RABGAP1L: variants seen among roughly 807,000 people sequenced by gnomAD.
RABGAP1L encodes the protein rab GTPase-activating protein 1-like.
In RABGAP1L, 63 loss-of-function variants were observed where a neutral mutation model predicts 137.7. The ratio of observed to expected loss-of-function variants is 0.46; its 90% CI spans 0.37 to 0.56. RABGAP1L has a LOEUF of 0.56. Among genes scored for constraint, RABGAP1L ranks in the 20% least tolerant of loss-of-function variants. The pLI, the probability that RABGAP1L is intolerant of heterozygous loss-of-function variation, is 0.00. For synonymous variants in RABGAP1L, 431 were observed against 433.7 expected, an observed-to-expected ratio of 0.99 and a Z score of 0.08; for missense variants, 1,095 against 1,244.0, an observed-to-expected ratio of 0.88 and a Z score of 1.80.
intron 1 of RABGAP1L, among the ~76,000 whole-genome samples, chr1:174,162,777 G>GTTTTTTTTTTTTTT (rs67811794): frequency 7.8e-5 from 4 of 51,554 alleles, no homozygotes; most frequent in Admixed American, 2.9e-4. Flanking sequence ...TTCTCTTTCT[G>GTTTTTTTTTTTTTT]TTTTTTTTTT....
At chr1:174,549,321 TTAATG>T (rs1666256321) in intron 13 of RABGAP1L, among the ~76,000 whole-genome samples, 1 of 152,188 alleles carries the variant, frequency 6.6e-6, no homozygotes, top group African/African-American at 2.4e-5. Flanking sequence ...CAATTTTTTC[TTAATG>T]TAAATTATAG....
In RABGAP1L at chr1:174,250,616, G is replaced by A; in HGVS notation, c.859G>A (p.Gly287Arg). ...SVSLEVKEDD[G>R]KGNFSPVPKD... ...CTCCTTGGAGGTAAAAGAAGACGAT[G>A]GAAAAGGAAACTTTAGGTGAGGCAT... Residue 287 changes from glycine (G) to arginine (R), a missense_variant, in exon 6 of 26, where the codon GGA (glycine) becomes AGA (arginine). Gly to Arg is a moderately radical substitution (Grantham distance 125, BLOSUM62 -2). This residue lies in a region of RABGAP1L where 112 missense variants were observed against 157.3 expected (regional missense o/e 0.71). Coordinates refer to ENST00000681986, the MANE Select transcript of RABGAP1L (RefSeq NM_001366446.1). 1.9e-6 allele frequency: 3 copies of A among 1,612,622 alleles called. No homozygotes were observed. In the South Asian group the frequency reaches 3.3e-5, roughly 18 times the overall value.
chr1:174,690,957 G>A (rs986579410), intron 15 of RABGAP1L, among the ~76,000 whole-genome samples: 21 of 151,012 alleles, frequency 1.4e-4, no homozygotes, highest in African/African-American at 5.1e-4. Flanking sequence ...TCAGCCTGCC[G>A]AGTAGCTGGG....
chr1:174,728,592 G>GTTT (rs1279824635), intron 17 of RABGAP1L, among the ~76,000 whole-genome samples: 1 of 135,126 alleles, frequency 7.4e-6, no homozygotes, highest in African/African-American at 2.8e-5. Context: ...AACTACCAGT[G>GTTT]TCTTTTTTTT....
At chr1:174,185,060 G>A (rs866834967) in intron 1 of RABGAP1L, among the ~76,000 whole-genome samples, 2 of 152,176 alleles carry the variant, frequency 1.3e-5, no homozygotes, top group South Asian at 4.1e-4. Context: ...GCTCTATAGG[G>A]CAATGATTCT....
chr1:174,400,426 C>T (rs997316203), intron 13 of RABGAP1L, among the ~76,000 whole-genome samples: 12 of 152,016 alleles, frequency 7.9e-5, no homozygotes, highest in African/African-American at 2.9e-4. Context: ...ATGAAATAGC[C>T]TATGCCTGGC....
intron 19 of RABGAP1L, chr1:174,874,579 T>A: frequency 7.8e-4 from 3 of 3,850 alleles, no homozygotes; most frequent in Non-Finnish European, 2.8e-3. Flanking sequence ...CACCACTGCC[T>A]TTTTTTTTTT....
intron 11 of RABGAP1L, among the ~76,000 whole-genome samples, chr1:174,317,156 C>T (rs1679452740): frequency 6.6e-6 from 1 of 151,844 alleles, no homozygotes; most frequent in Admixed American, 6.6e-5. Flanking sequence ...CATGCTAGAA[C>T]CTAAGGTGCA....
At chr1:174,305,216 G>T in intron 11 of RABGAP1L, 89 bp downstream of exon 11, 1 of 1,314,470 alleles carries the variant, frequency 7.6e-7, no homozygotes, top group Non-Finnish European at 9.9e-7. Context: ...GTGGGTAGAA[G>T]TGGTGGTTAT....
At chr1:174,720,249 GTAGATAGA>G (rs370669512) in intron 17 of RABGAP1L, among the ~76,000 whole-genome samples, 1,833 of 143,772 alleles carry the variant, frequency 0.013, 38 homozygotes, top group African/African-American at 0.041. Context: ...CTAGCTAGAT[GTAGATAGA>G]TAGATAGATA....
At chr1:174,194,771 G>T (rs916091588) in intron 1 of RABGAP1L, among the ~76,000 whole-genome samples, 6 of 152,176 alleles carry the variant, frequency 3.9e-5, no homozygotes, top group Non-Finnish European at 5.9e-5. Context: ...CAGATAGGTG[G>T]TTGCCAGGAG....
intron 11 of RABGAP1L, among the ~76,000 whole-genome samples, chr1:174,350,116 C>G (rs1266022954): frequency 4.7e-5 from 6 of 128,442 alleles, no homozygotes; most frequent in African/African-American, 1.5e-4. Flanking sequence ...TCCCGGACGG[C>G]ACGGCTGGCC....
At chr1:174,528,125 A>G (rs1246967024) in intron 13 of RABGAP1L, among the ~76,000 whole-genome samples, 3 of 151,870 alleles carry the variant, frequency 2.0e-5, no homozygotes, top group Non-Finnish European at 4.4e-5. Flanking sequence ...TTAAGTGAAG[A>G]GTTTAATTCA....
chr1:174,821,064 A>G (rs2148886089), intron 19 of RABGAP1L, among the ~76,000 whole-genome samples: 1 of 151,366 alleles, frequency 6.6e-6, no homozygotes, highest in Admixed American at 6.6e-5. Context: ...ATTTCCAGTG[A>G]TCGCAGCAAA....
chr1:174,230,554 A>AG (rs1165991906), intron 3 of RABGAP1L, among the ~76,000 whole-genome samples: 1 of 152,196 alleles, frequency 6.6e-6, no homozygotes, highest in African/African-American at 2.4e-5. Context: ...GCTAGTTTAT[A>AG]GGGAGGATAC....
chr1:174,767,527 C>CTTTTTTTTTTT (rs34412988), intron 18 of RABGAP1L, among the ~76,000 whole-genome samples: 1 of 137,670 alleles, frequency 7.3e-6, no homozygotes, highest in Non-Finnish European at 1.6e-5. Flanking sequence ...ACTGACTTTC[C>CTTTTTTTTTTT]TTTTTTTTTT....
intron 19 of RABGAP1L, among the ~76,000 whole-genome samples, chr1:174,829,721 A>G (rs756812026): frequency 6.7e-6 from 1 of 148,736 alleles, no homozygotes; most frequent in Non-Finnish European, 1.5e-5. Context: ...TAATGTAATT[A>G]CTAATGTAAT....
intron 19 of RABGAP1L, among the ~76,000 whole-genome samples, chr1:174,833,438 G>T (rs888915807): frequency 1.4e-4 from 5 of 34,674 alleles, no homozygotes; most frequent in African/African-American, 2.1e-4. Flanking sequence ...ATATATGTGT[G>T]TGTGTGTAGA....
At chr1:174,516,856 G>C (rs1662904373) in intron 13 of RABGAP1L, among the ~76,000 whole-genome samples, 1 of 151,690 alleles carries the variant, frequency 6.6e-6, no homozygotes, top group African/African-American at 2.4e-5. Flanking sequence ...GAACCCAGGA[G>C]GCAGAGGTTG....
Sources: allele counts gnomAD v4.1 joint callset (sites outside exome capture counted in the v4.1 genomes callset), GRCh38; gene constraint gnomAD v4.1.1; regional missense constraint gnomAD v4.1.1; transcripts MANE v1.5; gene names NCBI Gene and HGNC (gene_info 2026-07-23, HGNC 2026-07-21).